The following PAQR5 variants were observed in gnomAD, a reference collection of about 807,000 sequenced individuals.
PAQR5 encodes membrane progestin receptor gamma.
In PAQR5, 20 loss-of-function variants were observed where a neutral mutation model predicts 34.5. The ratio of observed to expected loss-of-function variants is 0.58; its 90% confidence interval spans 0.41 to 0.84. PAQR5 has a LOEUF of 0.84. Among genes scored for constraint, PAQR5 ranks in the 40% least tolerant of loss-of-function variants. The pLI is 0.00. For missense variants in PAQR5, 378 were observed against 412.7 expected (o/e 0.92, Z 0.73); for synonymous variants, 131 against 155.6 (o/e 0.84, Z 1.18).
Position 69,384,700 on chromosome 15 carries a change from C to A in PAQR5, c.203C>A (p.Thr68Asn). The A allele has an allele frequency of 6.2e-7, 1 of 1,613,932 alleles. No homozygotes were observed. Among genetic ancestry groups the A allele is most frequent in the Non-Finnish European group, 8.5e-7 (1 of 1,179,842 alleles). ...AGGTTCTTTGCATGGAGGTTTGTGA[C>A]TGCACTGTATATGACAGACATCAAG... is the stretch of plus-strand genomic sequence containing the variant. ...PFWFFAWRFVTALYMTDIKND... is the reference protein window; with the variant it reads ...PFWFFAWRFVNALYMTDIKND... The change falls in exon 5 of 9, where the codon ACT (threonine) becomes AAT (asparagine). Residue 68 changes from threonine to asparagine, a missense_variant. Transcript: ENST00000395407.
chr15:69,386,947 T>C (rs1318917039), intron 5 of PAQR5, among the ~76,000 whole-genome samples: 1 of 152,100 alleles, frequency 6.6e-6, no homozygotes, highest in Non-Finnish European at 1.5e-5. Context: ...TGACTAATCC[T>C]CGGGGTCCCC....
intron 2 of PAQR5, among the ~76,000 whole-genome samples, chr15:69,352,076 C>G (rs570412402): frequency 3.3e-5 from 5 of 152,226 alleles, no homozygotes; most frequent in African/African-American, 1.2e-4. Context: ...GTCATATGAC[C>G]CAGCAGATCC....
At chr15:69,344,954 G>A (rs1265899817) in intron 2 of PAQR5, among the ~76,000 whole-genome samples, 1 of 152,002 alleles carries the variant, frequency 6.6e-6, no homozygotes. Context: ...AAAATTAGCT[G>A]GACATGGTGC....
intron 1 of PAQR5, among the ~76,000 whole-genome samples, chr15:69,309,262 A>C (rs1566990836): frequency 6.6e-6 from 1 of 152,114 alleles, no homozygotes; most frequent in South Asian, 2.1e-4. Flanking sequence ...GTTCCAAGAG[A>C]GATAGTGGAG....
intron 1 of PAQR5, among the ~76,000 whole-genome samples, chr15:69,316,818 G>GTTTA (rs372996375): frequency 6.6e-6 from 1 of 152,016 alleles, no homozygotes; most frequent in Non-Finnish European, 1.5e-5. Flanking sequence ...CCCATAAGGG[G>GTTTA]TTTATTTATT....
intron 2 of PAQR5, among the ~76,000 whole-genome samples, chr15:69,344,478 G>T (rs2054718798): frequency 6.6e-6 from 1 of 152,214 alleles, no homozygotes; most frequent in African/African-American, 2.4e-5. Flanking sequence ...CGGAATGTGT[G>T]TGTGAGTTTA....
At chr15:69,372,493 A>T (rs2055591366) in intron 3 of PAQR5, among the ~76,000 whole-genome samples, 1 of 152,202 alleles carries the variant, frequency 6.6e-6, no homozygotes, top group Admixed American at 6.5e-5. Flanking sequence ...CAGTGAGCCA[A>T]GATCGTGCCA....
At chr15:69,318,105 G>A (rs1327065949) in intron 1 of PAQR5, among the ~76,000 whole-genome samples, 1 of 152,238 alleles carries the variant, frequency 6.6e-6, no homozygotes, top group Non-Finnish European at 1.5e-5. Flanking sequence ...CTCAGCAGTG[G>A]GCAAGGCAGG....
chr15:69,391,320 T>C (rs1354270165), intron 6 of PAQR5: 2 of 157,804 alleles, frequency 1.3e-5, no homozygotes, highest in Non-Finnish European at 2.8e-5. Context: ...AGTTTTTTTG[T>C]TTCTGTTTTT....
intron 1 of PAQR5, among the ~76,000 whole-genome samples, chr15:69,305,983 G>A (rs2053707702): frequency 6.6e-6 from 1 of 152,128 alleles, no homozygotes; most frequent in Non-Finnish European, 1.5e-5. Context: ...ATTGCTCTGG[G>A]GGATTCATTC....
At chr15:69,395,153 G>A (rs2056382465) in intron 6 of PAQR5, among the ~76,000 whole-genome samples, 1 of 152,208 alleles carries the variant, frequency 6.6e-6, no homozygotes, top group Non-Finnish European at 1.5e-5. Context: ...GCGGCCTGCC[G>A]CGGCAGGGCA....
At chr15:69,399,446 A>G (rs988395603) in intron 7 of PAQR5, among the ~76,000 whole-genome samples, 3 of 152,234 alleles carry the variant, frequency 2.0e-5, no homozygotes, top group African/African-American at 7.2e-5. Flanking sequence ...GTTACTTGGC[A>G]GTTTGTTACA....
intron 1 of PAQR5, among the ~76,000 whole-genome samples, chr15:69,309,578 C>G (rs2053786211): frequency 6.6e-6 from 1 of 152,078 alleles, no homozygotes. Flanking sequence ...TCCTATCTCC[C>G]CCGATCTCCC....
At chr15:69,392,803 G>A (rs113893076) in intron 6 of PAQR5, among the ~76,000 whole-genome samples, 11 of 152,256 alleles carry the variant, frequency 7.2e-5, no homozygotes, top group Admixed American at 1.3e-4. Context: ...TAGCTGAAGA[G>A]GAGGACATAG....
At chr15:69,352,252 T>C (rs1311997553) in intron 2 of PAQR5, among the ~76,000 whole-genome samples, 1 of 152,230 alleles carries the variant, frequency 6.6e-6, no homozygotes, top group Non-Finnish European at 1.5e-5. Flanking sequence ...TTGGCCTTAG[T>C]AGGACTGGGC....
chr15:69,320,999 CT>C (rs1400236107), intron 1 of PAQR5, among the ~76,000 whole-genome samples: 2 of 152,096 alleles, frequency 1.3e-5, no homozygotes, highest in Non-Finnish European at 2.9e-5. Context: ...AGACTGCCGT[CT>C]TTTATTTATA....
At chr15:69,375,616 A>G (rs892162975) in intron 3 of PAQR5, among the ~76,000 whole-genome samples, 12 of 152,178 alleles carry the variant, frequency 7.9e-5, no homozygotes, top group African/African-American at 2.9e-4. Flanking sequence ...AGTGCACAAG[A>G]GGACAGGAAA....
chr15:69,354,770 G>A (rs1304485356), intron 2 of PAQR5, among the ~76,000 whole-genome samples: 2 of 152,136 alleles, frequency 1.3e-5, no homozygotes, highest in South Asian at 2.1e-4. Context: ...CGGGTTGTAA[G>A]TCCATGGACC....
intron 2 of PAQR5, among the ~76,000 whole-genome samples, chr15:69,354,957 T>G (rs191191462): frequency 2.0e-5 from 3 of 152,266 alleles, no homozygotes; most frequent in African/African-American, 7.2e-5. Context: ...ACTCTAGGAC[T>G]TGCACCTCCA....
Sources: gnomAD v4.1 joint callset for allele counts (sites outside exome capture counted in the v4.1 genomes callset) on GRCh38, gnomAD v4.1.1 for gene constraint, MANE v1.5 for transcripts, NCBI Gene and HGNC (gene_info 2026-07-23, HGNC 2026-07-21) for gene names.